RERE: variants seen among roughly 807,000 people sequenced by gnomAD.
RERE encodes arginine-glutamic acid dipeptide repeats, also known as arginine-glutamic acid dipeptide repeats protein.
RERE carries 40 observed loss-of-function variants against 146.1 expected under a neutral mutation model. The observed-to-expected ratio is 0.27, with a 90% CI of 0.21 to 0.36. The LOEUF (loss-of-function observed/expected upper bound fraction) is 0.36. Among genes scored for constraint, RERE ranks in the 10% least tolerant of loss-of-function variants. The pLI is 1.00. For missense variants in RERE, 1,933 were observed against 2,138.7 expected, an observed-to-expected ratio of 0.90 and a Z score of 1.90; for synonymous variants, 1,003 against 866.0, an observed-to-expected ratio of 1.16 and a Z score of -2.78.
intron 8 of RERE, among the ~76,000 whole-genome samples, chr1:8,500,053 G>A (rs188574044): frequency 1.3e-5 from 2 of 152,206 alleles, no homozygotes; most frequent in South Asian, 2.1e-4. Flanking sequence ...CCTGGGAGGC[G>A]GAGGTTCCCG....
chr1:8,459,145 C>T (rs372875645), intron 11 of RERE, among the ~76,000 whole-genome samples: 3 of 152,210 alleles, frequency 2.0e-5, no homozygotes, highest in Non-Finnish European at 4.4e-5. Context: ...GTTCAAAGGC[C>T]GATGGGAATT....
At chr1:8,559,013 C>T (rs1646039981) in intron 4 of RERE, among the ~76,000 whole-genome samples, 1 of 151,096 alleles carries the variant, frequency 6.6e-6, no homozygotes, top group Admixed American at 6.6e-5. Context: ...CCAGACTGGT[C>T]AGGAACTCCT....
At chr1:8,772,019 T>C (rs558544681) in intron 1 of RERE, among the ~76,000 whole-genome samples, 1 of 152,142 alleles carries the variant, frequency 6.6e-6, no homozygotes. Flanking sequence ...AAATTTTGTA[T>C]GTATGTACTG....
chr1:8,601,663 CACACACACAT>C lies in RERE; in HGVS notation c.522+12888_522+12897del, dbSNP rs1389662071. Reference sequence around the variant, plus strand: ...ACACACACACACACACACACACACACACACACACATCTTCCTTCCATGATCCTTTGGATTG... The same window carrying C: ...ACACACACACACACACACACACACACCTTCCTTCCATGATCCTTTGGATTG... On this transcript the variant is annotated intron_variant, in intron 4 of 22. Transcript: ENST00000400908. Among the ~76,000 whole-genome samples, 314 of 146,916 alleles carry C rather than the reference CACACACACAT, an allele frequency of 2.1e-3. 2 individuals carry two copies. Among genetic ancestry groups the C allele is most frequent in the African/African-American group, 7.6e-3 (300 of 39,634 alleles).
intron 1 of RERE, among the ~76,000 whole-genome samples, chr1:8,701,287 TACACACACACAC>T (rs745905637): frequency 1.1e-5 from 1 of 93,644 alleles, no homozygotes; most frequent in Non-Finnish European, 2.0e-5. Context: ...GTGAGGGGAA[TACACACACACAC>T]ACACACACAC....
intron 11 of RERE, among the ~76,000 whole-genome samples, chr1:8,455,369 A>G (rs1027906438): frequency 6.6e-6 from 1 of 152,164 alleles, no homozygotes; most frequent in Non-Finnish European, 1.5e-5. Context: ...AAGGTGTGTT[A>G]GAACAGCCAG....
intron 1 of RERE, among the ~76,000 whole-genome samples, chr1:8,738,283 C>CT (rs544824181): frequency 5.3e-5 from 8 of 151,414 alleles, no homozygotes; most frequent in Non-Finnish European, 7.4e-5. Flanking sequence ...TGTTGTTGTT[C>CT]TTTTTTTTTA....
chr1:8,763,589 C>A (rs1046761277), intron 1 of RERE, among the ~76,000 whole-genome samples: 6 of 152,240 alleles, frequency 3.9e-5, no homozygotes, highest in African/African-American at 1.2e-4. Context: ...GAGGCAAGAT[C>A]GAACCACTGC....
At chr1:8,740,419 C>T (rs551957565) in intron 1 of RERE, among the ~76,000 whole-genome samples, 3 of 152,304 alleles carry the variant, frequency 2.0e-5, no homozygotes, top group South Asian at 2.1e-4. Flanking sequence ...CATTACTATA[C>T]ACCACTGTGA....
At chr1:8,515,224 C>T (rs1458871948) in intron 7 of RERE, among the ~76,000 whole-genome samples, 1 of 151,874 alleles carries the variant, frequency 6.6e-6, no homozygotes, top group African/African-American at 2.4e-5. Flanking sequence ...TAGCTGGTCA[C>T]GGTGGCACGC....
In RERE at chr1:8,358,610, T is replaced by G. The variant is rs1342761401; in HGVS notation, c.3925A>C (p.Ile1309Leu). ...CGCTCTCGGATCTCCCGCTCTCGGATCTCCCGCTCCCGGAGCTCCCGCTCG... is the reference window on the plus strand; with the variant it reads ...CGCTCTCGGATCTCCCGCTCTCGGAGCTCCCGCTCCCGGAGCTCCCGCTCG... Reference protein sequence around the residue: ...IRERELREREIREREIREREL... With the variant: ...IRERELRERELREREIREREL... The change falls in exon 20 of 23, where the codon ATC becomes CTC. Residue 1309 changes from isoleucine to leucine, a missense_variant. Physicochemically the swap from Ile to Leu is conservative, Grantham distance 5. Coordinates refer to ENST00000400908, the MANE Select transcript of RERE (RefSeq NM_001042681.2). The G allele has an allele frequency of 1.8e-5, 29 of 1,596,246 alleles. 1 individual carries two copies. The East Asian group carries it at 2.9e-4, about 16-fold the overall frequency.
In RERE at chr1:8,360,811, T is replaced by C. The variant is rs1348373803; in HGVS notation, c.2696A>G (p.Gln899Arg). Residue 899 changes from glutamine to arginine, a missense_variant, in exon 18 of 23, where the codon CAG (glutamine) becomes CGG (arginine). Gln to Arg is a conservative substitution (Grantham distance 43). This residue lies in a region of RERE where 1,255 missense variants were observed against 1,153.8 expected (regional missense o/e 1.09). Coordinates refer to ENST00000400908, the MANE Select transcript of RERE (RefSeq NM_001042681.2). ...CAGCGCTGACTGAGAGGCTGGCAGCTGCAGGGAGGTGTGAGGGTACGCTGC... is the reference window on the plus strand; with the variant it reads ...CAGCGCTGACTGAGAGGCTGGCAGCCGCAGGGAGGTGTGAGGGTACGCTGC... ...PAAAYPHTSL[Q>R]LPASQSALQS... 6.4e-7 allele frequency: 1 copy of C among 1,566,468 alleles called. No individual in the cohort carries two copies. Among genetic ancestry groups the C allele is most frequent in the Admixed American group, 1.8e-5 (1 of 54,232 alleles).
rs182963467 is a variant in RERE, at chr1:8,728,024, C to T, written c.-144-71583G>A. The stretch of plus-strand genomic sequence containing the variant: ...CCACATGCACACGAACCTCAGCCAA[C>T]GCAGCCAACGCTCCCCAGAGGCTAC... On this transcript the variant is annotated intron_variant, in intron 1 of 22. Coordinates refer to ENST00000400908, the MANE Select transcript of RERE (RefSeq NM_001042681.2). 2.9e-3 allele frequency among the ~76,000 whole-genome samples: 443 copies of T among 152,342 alleles called. 2 individuals carry two copies. The highest frequency in any genetic ancestry group is 0.01 in the African/African-American group (422 of 41,576).
chr1:8,656,001 A>G lies in RERE; in HGVS notation c.297T>C (p.Thr99=). The G allele has an allele frequency of 1.2e-6, 2 of 1,613,402 alleles. No individual in the cohort carries two copies. Among genetic ancestry groups the G allele is most frequent in the Non-Finnish European group, 1.7e-6 (2 of 1,179,454 alleles). The change falls in exon 2 of 23, where the codon ACT becomes ACC. Residue 99 remains threonine, a synonymous_variant. Coordinates refer to ENST00000400908, the MANE Select transcript of RERE (RefSeq NM_001042681.2). ...TDTGEITSYI[T]EDDVVYRPGD... is the part of the protein sequence containing the mutation. ...CTGGTCTGTAGACCACATCATCTTCAGTGATGTAGGATGTTATCTCACCGG... is the reference window on the plus strand; with the variant it reads ...CTGGTCTGTAGACCACATCATCTTCGGTGATGTAGGATGTTATCTCACCGG...
intron 10 of RERE, among the ~76,000 whole-genome samples, chr1:8,493,957 C>T (rs1467792540): frequency 1.3e-5 from 2 of 152,098 alleles, no homozygotes; most frequent in Non-Finnish European, 2.9e-5. Flanking sequence ...TCCTATACAG[C>T]CCCATGGGAT....
chr1:8,638,714 T>A (rs964706058), intron 2 of RERE, among the ~76,000 whole-genome samples: 1 of 152,142 alleles, frequency 6.6e-6, no homozygotes, highest in Non-Finnish European at 1.5e-5. Flanking sequence ...TTCAATTTTA[T>A]TCCTTGAAAA....
chr1:8,618,092 T>C (rs1457885513), intron 3 of RERE, among the ~76,000 whole-genome samples: 3 of 152,194 alleles, frequency 2.0e-5, no homozygotes, highest in Non-Finnish European at 4.4e-5. Context: ...CAGTATTCAA[T>C]AAATACTTAC....
Position 8,377,363 on chromosome 1 carries a change from A to G in RERE, c.1285-11389T>C, listed in dbSNP as rs919043119. On this transcript the variant is annotated intron_variant, in intron 12 of 22. Transcript: ENST00000400908. ...TTAAATATAGGATGTAAATATTTTA[A>G]GTGTAATAATGCTAATACCAGAAAA... is the stretch of plus-strand genomic sequence containing the variant. Among the ~76,000 whole-genome samples, 3 of 152,138 alleles carry G rather than the reference A, an allele frequency of 2.0e-5. No homozygotes were observed. In the East Asian group the frequency reaches 5.8e-4, roughly 29 times the overall value.
chr1:8,810,821 T>A (rs1007465612), intron 1 of RERE, among the ~76,000 whole-genome samples: 1 of 152,182 alleles, frequency 6.6e-6, no homozygotes, highest in African/African-American at 2.4e-5. Flanking sequence ...ATAAACGTAT[T>A]TCACCCCACA....
Sources: gnomAD v4.1 joint callset for allele counts (sites outside exome capture counted in the v4.1 genomes callset) on GRCh38, gnomAD v4.1.1 for gene constraint, gnomAD v4.1.1 regional missense constraint, MANE v1.5 for transcripts, NCBI Gene and HGNC (gene_info 2026-07-23, HGNC 2026-07-21) for gene names.